Variants in HIVEP1 observed in about 807,000 individuals in gnomAD.
The protein encoded by HIVEP1 is HIVEP zinc finger 1.
A neutral mutation model predicts 180.0 loss-of-function variants in HIVEP1; 36 were observed. That is an observed-to-expected ratio of 0.20 (90% CI 0.15 to 0.26). HIVEP1 has a LOEUF of 0.26. Among genes scored for constraint, HIVEP1 ranks in the 10% least tolerant of loss-of-function variants. The pLI is 1.00. For synonymous variants in HIVEP1, 1,239 were observed against 1,239.0 expected, an observed-to-expected ratio of 1.00 and a Z score of 0.00; for missense variants, 3,143 against 3,268.7, an observed-to-expected ratio of 0.96 and a Z score of 0.94.
At chr6:12,020,890 C>CTTTTTTTTTTTTTTTTTT (rs70981658) in intron 2 of HIVEP1, among the ~76,000 whole-genome samples, 1 of 105,778 alleles carries the variant, frequency 9.5e-6, no homozygotes, top group Non-Finnish European at 1.8e-5. Context: ...TTCTTTCTTT[C>CTTTTTTTTTTTTTTTTTT]TTTTTTTTTT....
At position 12,123,914 on chromosome 6, in the gene HIVEP1, C is replaced by T. The variant is rs1274215541; in HGVS notation, c.4119C>T (p.Cys1373=). 1 of 1,614,120 alleles carries T rather than the reference C, an allele frequency of 6.2e-7. No individual in the cohort carries two copies. Among genetic ancestry groups the T allele is most frequent in the South Asian group, 1.1e-5 (1 of 91,082 alleles). ...MRRTASEQIN[C]TQTSMEVSDL... is the part of the protein sequence containing the mutation. ...GTACTGCATCAGAACAGATTAATTG[C>T]ACGCAAACGTCAATGGAGGTCTCTG... The change falls in exon 4 of 9, where the codon TGC becomes TGT. Residue 1373 remains cysteine, a synonymous_variant. Coordinates refer to ENST00000379388, the MANE Select transcript of HIVEP1 (RefSeq NM_002114.4).
At chr6:12,172,050 C>G in the HIVEP1 span, among the ~76,000 whole-genome samples, 1 of 152,230 alleles carries the variant, frequency 6.6e-6, no homozygotes, top group East Asian at 1.9e-4. Context: ...GGACTCAAAC[C>G]CATGACCCAC....
chr6:12,158,395 A>G (rs1350305761), intron 7 of HIVEP1, among the ~76,000 whole-genome samples: 1 of 152,172 alleles, frequency 6.6e-6, no homozygotes, highest in Non-Finnish European at 1.5e-5. Context: ...TGGGGGTTGG[A>G]TCACAAGAAC....
At chr6:12,075,073 T>C (rs945024177) in intron 2 of HIVEP1, among the ~76,000 whole-genome samples, 1 of 152,234 alleles carries the variant, frequency 6.6e-6, no homozygotes, top group Non-Finnish European at 1.5e-5. Flanking sequence ...TGTGTCTTTC[T>C]CACACCGCCC....
intron 2 of HIVEP1, among the ~76,000 whole-genome samples, chr6:12,041,419 CTAAAAAAAAAAAAAAA>C (rs1445900516): frequency 5.1e-5 from 2 of 39,226 alleles, no homozygotes; most frequent in African/African-American, 1.5e-4. Flanking sequence ...GAGACTCCGT[CTAAAAAAAAAAAAAAA>C]AAAAAAAAAG....
downstream of HIVEP1, among the ~76,000 whole-genome samples, chr6:12,167,650 T>TGTGTATAATATATATACATATATAC (rs1760749136): frequency 2.8e-5 from 3 of 106,256 alleles, no homozygotes; most frequent in Admixed American, 9.3e-5. Flanking sequence ...CATATACATA[T>TGTGTATAATATATATACATATATAC]ATATGTTATA....
intron 2 of HIVEP1, among the ~76,000 whole-genome samples, chr6:12,045,162 C>T (rs750032727): frequency 6.6e-6 from 1 of 152,162 alleles, no homozygotes; most frequent in Non-Finnish European, 1.5e-5. Context: ...ATCTACTGGG[C>T]ATTTTTATTC....
chr6:12,044,860 A>C (rs116657692), intron 2 of HIVEP1, among the ~76,000 whole-genome samples: 1 of 152,212 alleles, frequency 6.6e-6, no homozygotes, highest in South Asian at 2.1e-4. Context: ...GTGTGTTTGC[A>C]GTGAAGTGCC....
chr6:12,013,831 T>G (rs1192809101), intron 1 of HIVEP1, among the ~76,000 whole-genome samples: 1 of 150,004 alleles, frequency 6.7e-6, no homozygotes, highest in Admixed American at 6.7e-5. Context: ...CATTTTTTTT[T>G]GTATTATTTT....
At chr6:12,119,755 A>T (rs1289199386) in intron 3 of HIVEP1, 135 bp from the exon 4 acceptor site, 10 of 613,622 alleles carry the variant, frequency 1.6e-5, no homozygotes, top group Non-Finnish European at 1.9e-5. Context: ...AATTTTATTT[A>T]AAAAATAGAC....
chr6:12,102,580 C>T (rs1774175196), intron 3 of HIVEP1, among the ~76,000 whole-genome samples: 1 of 152,162 alleles, frequency 6.6e-6, no homozygotes, highest in Non-Finnish European at 1.5e-5. Context: ...ATACTGATAA[C>T]AGGTAATTCT....
chr6:12,017,340 G>A (rs188016896), intron 2 of HIVEP1, among the ~76,000 whole-genome samples: 121 of 152,296 alleles, frequency 7.9e-4, no homozygotes, highest in Non-Finnish European at 1.1e-3. Context: ...TCCTTCTGAT[G>A]TTCAGATGTG....
chr6:12,087,896 T>A (rs963042504), intron 2 of HIVEP1, among the ~76,000 whole-genome samples: 10 of 152,184 alleles, frequency 6.6e-5, no homozygotes, highest in Non-Finnish European at 1.5e-4. Flanking sequence ...AATAAGACAT[T>A]GCTGTGGGCG....
intron 1 of HIVEP1, 80 bp downstream of exon 1, chr6:12,012,646 C>A (rs1471714342): frequency 6.9e-6 from 1 of 145,904 alleles, no homozygotes; most frequent in Non-Finnish European, 1.5e-5. Flanking sequence ...AGGAGCACAT[C>A]CCTTCGGCGG....
chr6:12,169,584 T>C (rs1760844611), downstream of HIVEP1, among the ~76,000 whole-genome samples: 1 of 152,170 alleles, frequency 6.6e-6, no homozygotes, highest in Non-Finnish European at 1.5e-5. Context: ...GACCACATCA[T>C]AGAGACCACA....
chr6:12,018,100 C>T (rs902208783), intron 2 of HIVEP1, among the ~76,000 whole-genome samples: 7 of 152,224 alleles, frequency 4.6e-5, no homozygotes, highest in Non-Finnish European at 1.0e-4. Context: ...AGAAATCGAG[C>T]GCAGCACCAG....
At chr6:12,041,574 C>T (rs977933567) in intron 2 of HIVEP1, among the ~76,000 whole-genome samples, 2 of 151,236 alleles carry the variant, frequency 1.3e-5, no homozygotes, top group East Asian at 3.9e-4. Flanking sequence ...CAGGTCATTA[C>T]ATGCAGATTT....
In HIVEP1 at chr6:12,124,391, A is replaced by G. The variant is rs749383186; in HGVS notation, c.4596A>G (p.Gln1532=). Reference sequence around the variant, plus strand: ...ACCAGAGCACACAGCTATCTCTGCAAGTGTCTACGCAGGGTAGCAAGCCAG... The same window carrying G: ...ACCAGAGCACACAGCTATCTCTGCAGGTGTCTACGCAGGGTAGCAAGCCAG... ...PSHQSTQLSL[Q]VSTQGSKPDK... is the part of the protein sequence containing the mutation. Residue 1532 remains glutamine (Q), a synonymous_variant, in exon 4 of 9, where the codon CAA becomes CAG. Transcript: ENST00000379388. The G allele has an allele frequency of 6.2e-7, 1 of 1,614,106 alleles. No individual in the cohort carries two copies. The highest frequency in any genetic ancestry group is 1.3e-5 in the African/African-American group (1 of 75,052).
intron 2 of HIVEP1, among the ~76,000 whole-genome samples, chr6:12,046,625 A>G (rs1400034723): frequency 6.6e-6 from 1 of 151,892 alleles, no homozygotes; most frequent in Non-Finnish European, 1.5e-5. Flanking sequence ...CCAAAAATAC[A>G]AAAATTAGCC....
Sources: allele counts gnomAD v4.1 joint callset (sites outside exome capture counted in the v4.1 genomes callset), GRCh38; gene constraint gnomAD v4.1.1; transcripts MANE v1.5; gene names NCBI Gene and HGNC (gene_info 2026-07-23, HGNC 2026-07-21).